TTC7B: variants seen among roughly 807,000 people sequenced by gnomAD.
TTC7B encodes the protein tetratricopeptide repeat protein 7B.
Under a neutral mutation model 106.8 loss-of-function variants are expected in TTC7B, and 28 were observed. The observed-to-expected ratio is 0.26, with a 90% CI of 0.19 to 0.36. TTC7B has a LOEUF of 0.36. Ranked by LOEUF, TTC7B falls within the 10% of genes least tolerant of loss-of-function variation. The probability of loss-of-function intolerance (pLI) is 1.00; values close to 1 mark genes in which losing one functional copy is unlikely to be tolerated. For synonymous variants in TTC7B, 405 were observed against 430.6 expected, an observed-to-expected ratio of 0.94 and a Z score of 0.74; for missense variants, 862 against 1,076.4, an observed-to-expected ratio of 0.80 and a Z score of 2.79.
rs562019990 is a variant in TTC7B, at chr14:90,552,209, G to T, written c.2311-10620C>A. ...TCTGCCCGTCAGAGCTCCACCGTGGGGTGGGACTCACACGCTGCCACTCAC... is the reference window on the plus strand; with the variant it reads ...TCTGCCCGTCAGAGCTCCACCGTGGTGTGGGACTCACACGCTGCCACTCAC... On this transcript the variant is annotated intron_variant, in intron 19 of 19. Coordinates refer to ENST00000328459, the MANE Select transcript of TTC7B (RefSeq NM_001010854.2). 1.1e-3 allele frequency among the ~76,000 whole-genome samples: 169 copies of T among 152,338 alleles called. 1 individual carries two copies. The highest frequency in any genetic ancestry group is 3.9e-3 in the African/African-American group (162 of 41,574).
chr14:90,767,237 A>T (rs959225155), intron 3 of TTC7B, among the ~76,000 whole-genome samples: 1 of 152,082 alleles, frequency 6.6e-6, no homozygotes, highest in Non-Finnish European at 1.5e-5. Flanking sequence ...ATAGAAGTGA[A>T]ATTCTAGAGC....
chr14:90,664,169 G>C (rs979880834), intron 9 of TTC7B, among the ~76,000 whole-genome samples: 1 of 152,180 alleles, frequency 6.6e-6, no homozygotes, highest in Non-Finnish European at 1.5e-5. Flanking sequence ...CCCTTTTTAA[G>C]AACCCTACCG....
intron 4 of TTC7B, among the ~76,000 whole-genome samples, chr14:90,740,765 A>G (rs1383510180): frequency 1.3e-5 from 2 of 151,948 alleles, no homozygotes; most frequent in African/African-American, 4.8e-5. Flanking sequence ...TCCTCCCAAA[A>G]TGCTGGGATT....
intron 13 of TTC7B, among the ~76,000 whole-genome samples, chr14:90,647,848 G>C (rs1269460026): frequency 1.3e-5 from 2 of 152,084 alleles, no homozygotes; most frequent in Admixed American, 6.5e-5. Context: ...TCTTTAAAAG[G>C]CACCATGGAG....
intron 1 of TTC7B, among the ~76,000 whole-genome samples, chr14:90,813,115 A>G (rs1259224751): frequency 1.3e-5 from 2 of 152,164 alleles, no homozygotes; most frequent in Non-Finnish European, 2.9e-5. Context: ...TCCCTAGAAC[A>G]TGCTTCTCCA....
At chr14:90,566,163 C>T (rs1460530650) in intron 19 of TTC7B, among the ~76,000 whole-genome samples, 7 of 151,826 alleles carry the variant, frequency 4.6e-5, no homozygotes, top group Non-Finnish European at 8.8e-5. Flanking sequence ...ACCAGCCTGG[C>T]CAATATGTGG....
At position 90,741,818 on chromosome 14, in the gene TTC7B, T is replaced by C. The variant is rs116677339; in HGVS notation, c.576+2974A>G. 5.0e-3 allele frequency among the ~76,000 whole-genome samples: 754 copies of C among 152,304 alleles called. 12 individuals carry two copies. Among genetic ancestry groups the C allele is most frequent in the African/African-American group, 0.017 (686 of 41,560 alleles). On this transcript the variant is annotated intron_variant, in intron 4 of 19. Coordinates refer to ENST00000328459, the MANE Select transcript of TTC7B (RefSeq NM_001010854.2). ...CCTTCTGCTTAATCAACAGTTAGTTTCTTGAGTACTTACTACAGTCAAAAC... is the reference window on the plus strand; with the variant it reads ...CCTTCTGCTTAATCAACAGTTAGTTCCTTGAGTACTTACTACAGTCAAAAC...
rs143534949 is a variant in TTC7B, at chr14:90,750,744, T to G, written c.446-5822A>C. The stretch of plus-strand genomic sequence containing the variant: ...AGGCCCTTTAAGGTATTAAATTAAT[T>G]AAGTATTGTTCCTTTCCCTCTCCCA... On this transcript the variant is annotated intron_variant, in intron 3 of 19. Coordinates refer to ENST00000328459, the MANE Select transcript of TTC7B (RefSeq NM_001010854.2). 9.3e-4 allele frequency among the ~76,000 whole-genome samples: 141 copies of G among 152,356 alleles called. No individual in the cohort carries two copies. In the East Asian group the frequency reaches 0.02, roughly 21 times the overall value.
At chr14:90,719,981 A>G (rs1016656051) in intron 5 of TTC7B, among the ~76,000 whole-genome samples, 1 of 151,820 alleles carries the variant, frequency 6.6e-6, no homozygotes, top group Non-Finnish European at 1.5e-5. Flanking sequence ...CCCAACACAA[A>G]TTCACAAACT....
At chr14:90,592,569 C>T (rs922892633) in intron 18 of TTC7B, among the ~76,000 whole-genome samples, 6 of 152,080 alleles carry the variant, frequency 3.9e-5, no homozygotes, top group East Asian at 1.9e-4. Flanking sequence ...ATTAGCTGGG[C>T]GTGGTGGTGG....
chr14:90,803,099 C>T (rs1214701802), intron 1 of TTC7B, among the ~76,000 whole-genome samples: 1 of 151,690 alleles, frequency 6.6e-6, no homozygotes, highest in East Asian at 1.9e-4. Flanking sequence ...GCTGAGATCA[C>T]ACCACTGCAC....
chr14:90,604,273 A>G (rs570344574), intron 17 of TTC7B, among the ~76,000 whole-genome samples: 1 of 152,378 alleles, frequency 6.6e-6, no homozygotes, highest in South Asian at 2.1e-4. Context: ...GAAAAATCGA[A>G]GTTGGCAATT....
intron 18 of TTC7B, among the ~76,000 whole-genome samples, chr14:90,584,742 C>T (rs1314758084): frequency 6.6e-6 from 1 of 152,056 alleles, no homozygotes; most frequent in Non-Finnish European, 1.5e-5. Flanking sequence ...GGCAGCCTCC[C>T]TGACCCCTCC....
At chr14:90,692,279 A>G (rs543527309) in intron 6 of TTC7B, among the ~76,000 whole-genome samples, 2 of 152,308 alleles carry the variant, frequency 1.3e-5, no homozygotes, top group Admixed American at 6.5e-5. Context: ...GCAATCACAC[A>G]TAGCTCACTG....
intron 7 of TTC7B, among the ~76,000 whole-genome samples, chr14:90,688,608 A>G (rs1887339502): frequency 8.3e-6 from 1 of 120,256 alleles, no homozygotes; most frequent in Non-Finnish European, 1.6e-5. Flanking sequence ...GGTGACAGAG[A>G]GAGGCTCTGT....
intron 5 of TTC7B, among the ~76,000 whole-genome samples, chr14:90,729,828 G>T (rs1019603778): frequency 5.9e-5 from 9 of 152,152 alleles, no homozygotes; most frequent in African/African-American, 2.2e-4. Context: ...TGGTCTTGAG[G>T]CTGTGTACTT....
intron 1 of TTC7B, among the ~76,000 whole-genome samples, chr14:90,810,998 G>T (rs983723076): frequency 1.3e-5 from 2 of 152,182 alleles, no homozygotes; most frequent in Non-Finnish European, 1.5e-5. Context: ...TGCTGGAAAG[G>T]TTGGCCAGAC....
chr14:90,593,738 T>A, intron 17 of TTC7B, 112 bp from the exon 18 acceptor site: 1 of 1,115,264 alleles, frequency 9.0e-7, no homozygotes, highest in East Asian at 2.8e-5. Context: ...CCCCATGATG[T>A]TTCTAAGATT....
At chr14:90,631,533 C>A (rs372078756) in intron 15 of TTC7B, among the ~76,000 whole-genome samples, 56 of 151,932 alleles carry the variant, frequency 3.7e-4, no homozygotes, top group Non-Finnish European at 6.6e-4. Flanking sequence ...CTTAGCCACC[C>A]GAGAAGCTGA....
Sources: gnomAD v4.1 joint callset for allele counts (sites outside exome capture counted in the v4.1 genomes callset) on GRCh38, gnomAD v4.1.1 for gene constraint, MANE v1.5 for transcripts, NCBI Gene and HGNC (gene_info 2026-07-23, HGNC 2026-07-21) for gene names.